CEP83: variants seen among roughly 807,000 people sequenced by gnomAD.
The protein encoded by CEP83 is centrosomal protein of 83 kDa.
In CEP83, 70 loss-of-function variants were observed where a neutral mutation model predicts 101.9. The ratio of observed to expected loss-of-function variants is 0.69; its 90% confidence interval spans 0.57 to 0.84. The LOEUF (loss-of-function observed/expected upper bound fraction) is 0.84, where lower values mean the gene tolerates loss of function less well. Among genes scored for constraint, CEP83 ranks in the 40% least tolerant of loss-of-function variants. CEP83 has a pLI of 0.00. For missense variants in CEP83, 715 were observed against 787.2 expected (o/e 0.91, Z 1.10); for synonymous variants, 264 against 267.9 (o/e 0.99, Z 0.14).
At chr12:94,341,153 A>G (rs920154852) in intron 11 of CEP83, among the ~76,000 whole-genome samples, 6 of 152,196 alleles carry the variant, frequency 3.9e-5, no homozygotes, top group African/African-American at 1.4e-4. Flanking sequence ...GAAATACAGT[A>G]CTTTTATAAA....
intron 12 of CEP83, among the ~76,000 whole-genome samples, chr12:94,334,338 G>A (rs1256800729): frequency 6.6e-6 from 1 of 152,040 alleles, no homozygotes; most frequent in Non-Finnish European, 1.5e-5. Flanking sequence ...ACCTTTATCT[G>A]GGAGTACTTT....
chr12:94,329,274 TA>T (rs752610169), intron 14 of CEP83, among the ~76,000 whole-genome samples: 47 of 152,066 alleles, frequency 3.1e-4, no homozygotes, highest in African/African-American at 1.1e-3. Context: ...GTTTAATTAT[TA>T]TTTTTTTTTG....
chr12:94,271,444 A>C, the CEP83 span, among the ~76,000 whole-genome samples: 9 of 152,236 alleles, frequency 5.9e-5, no homozygotes, highest in Non-Finnish European at 1.0e-4. Flanking sequence ...CTCAATACCC[A>C]AAACCACCAA....
chr12:94,382,222 T>C lies in CEP83; in HGVS notation c.550-3180A>G, dbSNP rs149084317. Among the ~76,000 whole-genome samples the C allele has an allele frequency of 7.9e-4, 120 of 152,110 alleles. 1 individual carries two copies. In the East Asian group the frequency reaches 0.022, roughly 28 times the overall value. On this transcript the variant is annotated intron_variant, in intron 6 of 16. Coordinates refer to ENST00000397809, the MANE Select transcript of CEP83 (RefSeq NM_016122.3). ...GAGTGATACTCTTTCATTCCTGAGA[T>C]AGGTAAAATTTTTATCTTCCATCTT...
intron 8 of CEP83, among the ~76,000 whole-genome samples, chr12:94,373,769 T>C (rs1295468552): frequency 6.6e-6 from 1 of 152,242 alleles, no homozygotes; most frequent in Non-Finnish European, 1.5e-5. Flanking sequence ...CAAACATTTA[T>C]GAATTTGAGT....
chr12:94,459,372 G>A (rs577621542), intron 1 of CEP83, among the ~76,000 whole-genome samples, 185 bp downstream of exon 1: 3 of 152,272 alleles, frequency 2.0e-5, no homozygotes, highest in Non-Finnish European at 2.9e-5. Flanking sequence ...CAACCACCAA[G>A]CCAGAGTGCA....
At chr12:94,307,311 A>G (rs892528628), downstream of CEP83, 1 of 152,328 alleles carries the variant, frequency 6.6e-6, no homozygotes, top group African/African-American at 2.4e-5. Context: ...GTGTTTGTCA[A>G]TCCTCCAGTG....
chr12:94,350,895 C>T (rs1450731247), intron 11 of CEP83, among the ~76,000 whole-genome samples: 1 of 152,088 alleles, frequency 6.6e-6, no homozygotes, highest in African/African-American at 2.4e-5. Flanking sequence ...ATCAAAACTA[C>T]AATGAGATAC....
chr12:94,294,665 T>C, the CEP83 span: 2 of 574,542 alleles, frequency 3.5e-6, no homozygotes, highest in Non-Finnish European at 6.5e-6. Context: ...TCTCTGAAAG[T>C]TGAGAAAAGT....
At chr12:94,357,013 T>C (rs896593170) in intron 11 of CEP83, among the ~76,000 whole-genome samples, 1 of 152,216 alleles carries the variant, frequency 6.6e-6, no homozygotes, top group Admixed American at 6.5e-5. Context: ...AACAATACCC[T>C]TCCTTTAGTG....
At chr12:94,388,850 G>A (rs1052627727) in intron 6 of CEP83, among the ~76,000 whole-genome samples, 5 of 152,138 alleles carry the variant, frequency 3.3e-5, no homozygotes, top group Non-Finnish European at 5.9e-5. Flanking sequence ...AATGTGGCTG[G>A]GTGCAGTGGC....
the CEP83 span, chr12:94,279,563 T>C: frequency 2.3e-5 from 37 of 1,614,094 alleles, no homozygotes; most frequent in Non-Finnish European, 2.9e-5. Context: ...TGTGACACCA[T>C]TGGCCAAGCC....
chr12:94,297,517 T>G, the CEP83 span: 1 of 855,276 alleles, frequency 1.2e-6, no homozygotes, highest in Non-Finnish European at 1.9e-6. Context: ...ATGTTACAAA[T>G]CCCTTGTGCC....
At chr12:94,281,728 A>C in the CEP83 span, 1 of 153,014 alleles carries the variant, frequency 6.5e-6, no homozygotes, top group Non-Finnish European at 1.5e-5. Flanking sequence ...GCCTATGTGC[A>C]ATCTTTTAAT....
At chr12:94,331,289 G>GA (rs568464808) in intron 14 of CEP83, among the ~76,000 whole-genome samples, 518 of 43,788 alleles carry the variant, frequency 0.012, 36 homozygotes, top group East Asian at 0.023. Flanking sequence ...CAGACTCTCA[G>GA]AAAAAAAAAA....
chr12:94,438,908 G>A lies in CEP83; in HGVS notation c.-154-3581C>T, dbSNP rs141175365. ...TACAAATATATGGAAATTTAAACCT[G>A]CTCCTGAATGACCTCTGGGTCAACA... On this transcript the variant is annotated intron_variant, in intron 1 of 16. Transcript: ENST00000397809. Among the ~76,000 whole-genome samples, 121 of 152,220 alleles carry A rather than the reference G, an allele frequency of 7.9e-4. 1 individual carries two copies. In the East Asian group the frequency reaches 0.022, roughly 28 times the overall value.
At chr12:94,366,368 T>G (rs2061028084) in intron 11 of CEP83, among the ~76,000 whole-genome samples, 1 of 152,192 alleles carries the variant, frequency 6.6e-6, no homozygotes, top group Admixed American at 6.5e-5. Context: ...ACTCTAAGGC[T>G]AAAGATAAAA....
At chr12:94,366,671 G>A (rs1211515637) in intron 11 of CEP83, among the ~76,000 whole-genome samples, 2 of 152,204 alleles carry the variant, frequency 1.3e-5, no homozygotes, top group South Asian at 4.2e-4. Context: ...CAGTTCACTG[G>A]GAGGACCTAG....
chr12:94,302,101 C>A (rs1968524302), downstream of CEP83, among the ~76,000 whole-genome samples: 2 of 152,190 alleles, frequency 1.3e-5, no homozygotes, highest in South Asian at 2.1e-4. Flanking sequence ...AAACATAAAT[C>A]TGATGATGTC....
Sources: gnomAD v4.1 joint callset for allele counts (sites outside exome capture counted in the v4.1 genomes callset) on GRCh38, gnomAD v4.1.1 for gene constraint, MANE v1.5 for transcripts, NCBI Gene and HGNC (gene_info 2026-07-23, HGNC 2026-07-21) for gene names.